Variants in PCGF6 observed in about 807,000 individuals in gnomAD.
The protein encoded by PCGF6 is polycomb group ring finger 6.
In PCGF6, 24 loss-of-function variants were observed where a neutral mutation model predicts 45.5. The ratio of observed to expected loss-of-function variants is 0.53; its 90% CI spans 0.38 to 0.74. The LOEUF (loss-of-function observed/expected upper bound fraction) is 0.74. Ranked by LOEUF, PCGF6 falls within the 30% of genes least tolerant of loss-of-function variation. The pLI, the probability that PCGF6 is intolerant of heterozygous loss-of-function variation, is 0.00. For missense variants in PCGF6, 356 were observed against 443.2 expected (o/e 0.80, Z 1.77); for synonymous variants, 152 against 162.1 (o/e 0.94, Z 0.47).
Position 103,348,772 on chromosome 10 carries a change from G to C in PCGF6, c.501C>G (p.Asn167Lys). The C allele has an allele frequency of 6.2e-7, 1 of 1,612,870 alleles. No individual in the cohort carries two copies. The highest frequency in any genetic ancestry group is 8.5e-7 in the Non-Finnish European group (1 of 1,179,160). ...CTACTATATTGCATTTTGGACATCT[G>C]TTGCTGTAGTAAAAATGTCTTACGA... ...SCIVRHFYYS[N>K]RCPKCNIVVH... The change falls in exon 3 of 10, where the codon AAC becomes AAG. Residue 167 changes from asparagine to lysine, a missense_variant. Physicochemically the swap from Asn to Lys is moderately conservative, Grantham distance 94 (BLOSUM62 0). Transcript: ENST00000369847.
At position 103,350,684 on chromosome 10, in the gene PCGF6, G is replaced by A. The variant is rs200681272; in HGVS notation, c.360+23C>T. On this transcript the variant is annotated intron_variant, in intron 1 of 9. Coordinates refer to ENST00000369847, the MANE Select transcript of PCGF6 (RefSeq NM_001011663.2). ...CCCTGACGCCGCTTGGGCCCAGCGG[G>A]GTCGCGCGGGGGCTCTAAATACCTC... 6.4e-5 allele frequency: 93 copies of A among 1,456,692 alleles called. No homozygotes were observed. In the East Asian group the frequency reaches 2.4e-3, roughly 37 times the overall value. 90.2% of individuals were successfully genotyped at this position (1,456,692 alleles called of 1,614,324 possible).
intron 9 of PCGF6, among the ~76,000 whole-genome samples, chr10:103,311,907 G>A (rs772411616): frequency 4.7e-5 from 7 of 149,612 alleles, no homozygotes; most frequent in Non-Finnish European, 7.4e-5. Flanking sequence ...TCGCCAACAC[G>A]GTGAAACCTC....
intron 9 of PCGF6, among the ~76,000 whole-genome samples, chr10:103,311,084 T>A (rs73334808): frequency 0.049 from 7,526 of 152,198 alleles, 640 homozygotes; most frequent in African/African-American, 0.17. Flanking sequence ...GATCCTCCCA[T>A]CTTGGCCCCA....
At chr10:103,333,843 T>C in intron 7 of PCGF6, 82 bp downstream of exon 7, 1 of 934,276 alleles carries the variant, frequency 1.1e-6, no homozygotes, top group Non-Finnish European at 1.6e-6. Context: ...ATTTATACAA[T>C]CTCCATTTGG....
intron 8 of PCGF6, among the ~76,000 whole-genome samples, chr10:103,326,182 G>C (rs1038581122): frequency 4.0e-5 from 6 of 151,248 alleles, no homozygotes; most frequent in African/African-American, 1.5e-4. Context: ...CGGATCACGA[G>C]GTCAGGAGAT....
At chr10:103,326,493 G>C in intron 8 of PCGF6, 41 bp downstream of exon 8, 5 of 1,309,894 alleles carry the variant, frequency 3.8e-6, no homozygotes, top group Non-Finnish European at 5.3e-6. Flanking sequence ...CTAAAGGTAA[G>C]CTCACAACTT....
At chr10:103,305,335 A>G (rs1409722523) in intron 9 of PCGF6, among the ~76,000 whole-genome samples, 1 of 151,900 alleles carries the variant, frequency 6.6e-6, no homozygotes, top group East Asian at 1.9e-4. Context: ...CAATGGCGCA[A>G]TCTTGGCTCA....
chr10:103,317,725 A>C (rs1168049413), intron 8 of PCGF6, among the ~76,000 whole-genome samples: 1 of 152,002 alleles, frequency 6.6e-6, no homozygotes, highest in Non-Finnish European at 1.5e-5. Context: ...TCCTCACTTC[A>C]ATCCTAGCCC....
At chr10:103,320,412 C>T (rs1184283829) in intron 8 of PCGF6, among the ~76,000 whole-genome samples, 1 of 152,118 alleles carries the variant, frequency 6.6e-6, no homozygotes, top group Non-Finnish European at 1.5e-5. Context: ...GATGGCCGGG[C>T]GCGGTGGCTC....
chr10:103,350,624 C>T, intron 1 of PCGF6, 83 bp downstream of exon 1: 21 of 1,311,376 alleles, frequency 1.6e-5, no homozygotes, highest in Non-Finnish European at 2.1e-5. Flanking sequence ...GCACTAGGAT[C>T]GGGCCGGCGC....
chr10:103,347,106 A>C, intron 5 of PCGF6, 132 bp downstream of exon 5: 1 of 654,384 alleles, frequency 1.5e-6, no homozygotes. Context: ...AAATTGGATT[A>C]CACACAGCAT....
intron 8 of PCGF6, among the ~76,000 whole-genome samples, chr10:103,324,138 C>T (rs1456914883): frequency 2.0e-5 from 3 of 151,470 alleles, no homozygotes; most frequent in South Asian, 2.1e-4. Flanking sequence ...AGGGTTTCAC[C>T]GTGTTGGCCA....
At chr10:103,348,340 GTT>G (rs113018538) in intron 3 of PCGF6, 86 of 145,450 alleles carry the variant, frequency 5.9e-4, no homozygotes, top group South Asian at 8.6e-4. Context: ...GAGTTTTTTT[GTT>G]TTTTTTTTTT....
intron 1 of PCGF6, among the ~76,000 whole-genome samples, chr10:103,349,638 GC>G (rs901472005): frequency 9.3e-5 from 14 of 150,020 alleles, no homozygotes; most frequent in African/African-American, 3.2e-4. Context: ...GTGCCACCAC[GC>G]CCCGCTACTT....
chr10:103,338,537 T>C (rs1176054427), intron 6 of PCGF6, among the ~76,000 whole-genome samples: 2 of 115,652 alleles, frequency 1.7e-5, no homozygotes, highest in Non-Finnish European at 3.5e-5. Flanking sequence ...AGAGCGAGAC[T>C]CCATCTCAAA....
chr10:103,314,553 T>A (rs562780893), intron 8 of PCGF6, among the ~76,000 whole-genome samples: 1 of 152,334 alleles, frequency 6.6e-6, no homozygotes, highest in South Asian at 2.1e-4. Flanking sequence ...TTTTAGACTT[T>A]AATTAAGAAA....
chr10:103,330,236 G>A (rs1592067091), intron 7 of PCGF6, among the ~76,000 whole-genome samples: 3 of 151,748 alleles, frequency 2.0e-5, no homozygotes, highest in African/African-American at 4.8e-5. Context: ...TCACCATACC[G>A]GGCTAATTTT....
intron 8 of PCGF6, among the ~76,000 whole-genome samples, chr10:103,315,968 ATGTGTGTGTGTGTG>A (rs755606997): frequency 4.2e-4 from 50 of 118,968 alleles, no homozygotes; most frequent in African/African-American, 1.4e-3. Flanking sequence ...AACAGCTTAT[ATGTGTGTGTGTGTG>A]TGTGTGTGTG....
chr10:103,303,817 T>C lies in PCGF6; in HGVS notation c.*88A>G, dbSNP rs981836819. The C allele has an allele frequency of 8.6e-7, 1 of 1,160,778 alleles. No homozygotes were observed. The highest frequency in any genetic ancestry group is 1.5e-5 in the African/African-American group (1 of 64,796). The allele number at this position is 1,160,778 out of a possible 1,614,324, so 71.9% of individuals were successfully genotyped here. The stretch of plus-strand genomic sequence containing the variant: ...AGTTATGTCTTGAACAGCAAAGTGG[T>C]AGCAATTACATTTCATGGAAATCTT... On this transcript the variant is annotated 3_prime_UTR_variant, in exon 10 of 10. Coordinates refer to ENST00000369847, the MANE Select transcript of PCGF6 (RefSeq NM_001011663.2).
Sources: gnomAD v4.1 joint callset for allele counts (sites outside exome capture counted in the v4.1 genomes callset) on GRCh38, gnomAD v4.1.1 for gene constraint, MANE v1.5 for transcripts, NCBI Gene and HGNC (gene_info 2026-07-23, HGNC 2026-07-21) for gene names.